Variants in KCNH7 observed in about 807,000 individuals in gnomAD.
The protein encoded by KCNH7 is voltage-gated inwardly rectifying potassium channel KCNH7.
KCNH7 carries 49 observed loss-of-function variants against 120.8 expected under a neutral mutation model. That is an observed-to-expected ratio of 0.41 (90% CI 0.32 to 0.51). KCNH7 has a LOEUF of 0.51. Among genes scored for constraint, KCNH7 ranks in the 20% least tolerant of loss-of-function variants. The pLI, the probability that KCNH7 is intolerant of heterozygous loss-of-function variation, is 0.38. For missense variants in KCNH7, 1,097 were observed against 1,446.6 expected (o/e 0.76, Z 3.92); for synonymous variants, 547 against 516.1 (o/e 1.06, Z -0.81).
At chr2:162,477,104 G>A (rs992731556) in intron 6 of KCNH7, among the ~76,000 whole-genome samples, 3 of 152,286 alleles carry the variant, frequency 2.0e-5, no homozygotes, top group African/African-American at 7.2e-5. Context: ...ACCGCAGTAA[G>A]AAAAACAAGA....
intron 6 of KCNH7, among the ~76,000 whole-genome samples, chr2:162,491,509 T>C (rs149978298): frequency 2.0e-5 from 3 of 152,214 alleles, no homozygotes; most frequent in African/African-American, 4.8e-5. Flanking sequence ...TCCCATTTCA[T>C]AGATAGAGGT....
At position 162,793,332 on chromosome 2, in the gene KCNH7, A is replaced by C. The variant is rs567991251; in HGVS notation, c.307+43205T>G. Among the ~76,000 whole-genome samples the C allele has an allele frequency of 1.8e-4, 27 of 152,040 alleles. No homozygotes were observed. In the South Asian group the frequency reaches 3.9e-3, roughly 22 times the overall value. The stretch of plus-strand genomic sequence containing the variant: ...GTAGGAGGAGGGAGGGGATCAGCAA[A>C]AATTACTAATGTGTACTAGGCTTAA... On this transcript the variant is annotated intron_variant, in intron 2 of 15. Coordinates refer to ENST00000332142, the MANE Select transcript of KCNH7 (RefSeq NM_033272.4).
chr2:162,477,251 G>C (rs1689777274), intron 6 of KCNH7, among the ~76,000 whole-genome samples: 1 of 152,126 alleles, frequency 6.6e-6, no homozygotes, highest in South Asian at 2.1e-4. Context: ...TACTAACATG[G>C]ACTCACCCCA....
chr2:162,717,401 C>T (rs1303079308), intron 2 of KCNH7, among the ~76,000 whole-genome samples: 2 of 152,052 alleles, frequency 1.3e-5, no homozygotes, highest in Admixed American at 1.3e-4. Context: ...ACTCCAGGTA[C>T]TGTGCCCTTC....
At chr2:162,700,728 C>T (rs1686466932) in intron 2 of KCNH7, among the ~76,000 whole-genome samples, 1 of 152,180 alleles carries the variant, frequency 6.6e-6, no homozygotes, top group South Asian at 2.1e-4. Context: ...AAAACTGTTG[C>T]TCTCAGTTTT....
chr2:162,599,434 A>C (rs1445883650), intron 2 of KCNH7, among the ~76,000 whole-genome samples: 1 of 152,006 alleles, frequency 6.6e-6, no homozygotes, highest in South Asian at 2.1e-4. Context: ...TTGTGAAATC[A>C]AATTAGAATT....
chr2:162,431,837 G>A (rs772205058), intron 8 of KCNH7, among the ~76,000 whole-genome samples: 4 of 151,932 alleles, frequency 2.6e-5, no homozygotes, highest in Non-Finnish European at 5.9e-5. Flanking sequence ...AAAAAGGAAG[G>A]AAGGAAGGAC....
chr2:162,411,903 T>C (rs1477573447), intron 9 of KCNH7, among the ~76,000 whole-genome samples: 1 of 151,986 alleles, frequency 6.6e-6, no homozygotes. Context: ...GATGATTGTA[T>C]GCTTAGAACA....
At chr2:162,483,364 C>T (rs1354140433) in intron 6 of KCNH7, among the ~76,000 whole-genome samples, 2 of 152,080 alleles carry the variant, frequency 1.3e-5, no homozygotes, top group East Asian at 1.9e-4. Context: ...CCTCCATCCA[C>T]GGGACATGTA....
At chr2:162,480,275 A>G (rs1246505641) in intron 6 of KCNH7, among the ~76,000 whole-genome samples, 1 of 152,180 alleles carries the variant, frequency 6.6e-6, no homozygotes, top group African/African-American at 2.4e-5. Context: ...AAACACAGGA[A>G]GCTCCTCACA....
intron 2 of KCNH7, among the ~76,000 whole-genome samples, chr2:162,662,177 C>T (rs530018954): frequency 3.3e-5 from 5 of 152,026 alleles, no homozygotes; most frequent in Admixed American, 1.3e-4. Flanking sequence ...GCAGGAGAAT[C>T]GCTTGAACCC....
intron 15 of KCNH7, among the ~76,000 whole-genome samples, chr2:162,372,458 A>G (rs1685988760): frequency 6.6e-6 from 1 of 152,190 alleles, no homozygotes; most frequent in African/African-American, 2.4e-5. Context: ...AGGAGGAAAG[A>G]AAAGATGGGA....
chr2:162,602,682 T>C (rs1025109481), intron 2 of KCNH7, among the ~76,000 whole-genome samples: 5 of 152,086 alleles, frequency 3.3e-5, no homozygotes, highest in African/African-American at 9.7e-5. Flanking sequence ...CCAATACTAG[T>C]TATCCATTTT....
At chr2:162,554,311 A>G (rs774477693) in intron 2 of KCNH7, among the ~76,000 whole-genome samples, 4 of 152,248 alleles carry the variant, frequency 2.6e-5, no homozygotes, top group Non-Finnish European at 4.4e-5. Flanking sequence ...CAAATAGAAT[A>G]GATAAAGCTG....
intron 2 of KCNH7, among the ~76,000 whole-genome samples, chr2:162,683,794 C>T (rs1212450634): frequency 1.3e-5 from 2 of 151,908 alleles, no homozygotes; most frequent in African/African-American, 4.8e-5. Context: ...AAATTCAATG[C>T]TATACCCATC....
At chr2:162,716,312 G>A (rs931747571) in intron 2 of KCNH7, among the ~76,000 whole-genome samples, 5 of 152,094 alleles carry the variant, frequency 3.3e-5, no homozygotes. Context: ...TTTTTTTGAA[G>A]TCTAGTCACG....
At chr2:162,555,806 T>C (rs1485968) in intron 2 of KCNH7, among the ~76,000 whole-genome samples, 151,964 of 152,134 alleles carry the variant, frequency 1, 75,898 homozygotes, top group Non-Finnish European at 1. Flanking sequence ...AAACTACTTG[T>C]CATATAATGA....
At chr2:162,605,479 C>T (rs978679659) in intron 2 of KCNH7, among the ~76,000 whole-genome samples, 2 of 152,090 alleles carry the variant, frequency 1.3e-5, no homozygotes, top group Non-Finnish European at 2.9e-5. Context: ...TAGCAGCTAT[C>T]AGACTTTTAT....
At chr2:162,499,434 G>A (rs1158677542) in intron 6 of KCNH7, among the ~76,000 whole-genome samples, 4 of 152,070 alleles carry the variant, frequency 2.6e-5, no homozygotes, top group Non-Finnish European at 4.4e-5. Context: ...CTGCACATCA[G>A]CCTTTACTGG....
Sources: gnomAD v4.1 joint callset for allele counts (sites outside exome capture counted in the v4.1 genomes callset) on GRCh38, gnomAD v4.1.1 for gene constraint, MANE v1.5 for transcripts, NCBI Gene and HGNC (gene_info 2026-07-23, HGNC 2026-07-21) for gene names.